The following FLACC1 variants were observed in gnomAD, a reference collection of about 807,000 sequenced individuals.
FLACC1 encodes the protein flagellum-associated coiled-coil domain-containing protein 1.
In FLACC1, 66 loss-of-function variants were observed where a neutral mutation model predicts 62.8. The ratio of observed to expected loss-of-function variants is 1.05; its 90% CI spans 0.86 to 1.29. FLACC1 has a LOEUF of 1.29. Ranked by LOEUF, FLACC1 falls within the 50% of genes most tolerant of loss-of-function variation. The pLI, the probability that FLACC1 is intolerant of heterozygous loss-of-function variation, is 0.00. For missense variants in FLACC1, 452 were observed against 489.1 expected (o/e 0.92, Z 0.71); for synonymous variants, 156 against 161.0 (o/e 0.97, Z 0.24).
intron 1 of FLACC1, among the ~76,000 whole-genome samples, chr2:201,356,740 A>G (rs1379879681): frequency 6.6e-6 from 1 of 152,214 alleles, no homozygotes; most frequent in African/African-American, 2.4e-5. Flanking sequence ...GTCATCACAG[A>G]TAGATCTGCA....
At chr2:201,348,174 A>G in intron 4 of FLACC1, 80 bp downstream of exon 4, 1 of 1,402,910 alleles carries the variant, frequency 7.1e-7, no homozygotes, top group Non-Finnish European at 9.7e-7. Flanking sequence ...GGTAAGTATA[A>G]AAATGTAAAG....
At chr2:201,342,328 A>T (rs371794001) in intron 7 of FLACC1, 42 bp downstream of exon 7, 20 of 1,602,350 alleles carry the variant, frequency 1.2e-5, no homozygotes, top group Middle Eastern at 1.7e-4. Context: ...CGGGACCCTT[A>T]GAGCCATCAA....
In FLACC1 at chr2:201,295,233, G is replaced by C. The variant is rs1949832706; in HGVS notation, c.942+4005C>G. ...AATCCTAAGCCAAAGAACAAAGCTG[G>C]AGGCATCTCGCTACCTGACTTCAAA... On this transcript the variant is annotated intron_variant, in intron 12 of 14. Coordinates refer to ENST00000392257, the MANE Select transcript of FLACC1 (RefSeq NM_001127391.3). Among the ~76,000 whole-genome samples the C allele has an allele frequency of 1.1e-4, 16 of 152,288 alleles. No homozygotes were observed. The South Asian group carries it at 3.3e-3, about 32-fold the overall frequency.
At chr2:201,358,310 A>G (rs906403055), upstream of FLACC1, among the ~76,000 whole-genome samples, 1 of 152,102 alleles carries the variant, frequency 6.6e-6, no homozygotes, top group Non-Finnish European at 1.5e-5. Context: ...GGCTGCATGC[A>G]TAGCTCACTG....
upstream of FLACC1, among the ~76,000 whole-genome samples, chr2:201,359,127 C>G (rs752432664): frequency 3.9e-5 from 6 of 152,150 alleles, no homozygotes; most frequent in Non-Finnish European, 7.4e-5. Flanking sequence ...CATGATAGAA[C>G]TTGGTGATTG....
At chr2:201,296,592 A>G (rs1440300368) in intron 12 of FLACC1, among the ~76,000 whole-genome samples, 1 of 152,080 alleles carries the variant, frequency 6.6e-6, no homozygotes, top group East Asian at 1.9e-4. Flanking sequence ...CAGCACACCA[A>G]CATGGCACAT....
intron 9 of FLACC1, among the ~76,000 whole-genome samples, chr2:201,323,809 G>GAAAAAAAAAAAAAAAAAAAAAAAT (rs1950452542): frequency 1.3e-5 from 1 of 77,376 alleles, no homozygotes; most frequent in Non-Finnish European, 2.8e-5. Flanking sequence ...AAAAAGTAAG[G>GAAAAAAAAAAAAAAAAAAAAAAAT]AAGGAAGGAA....
At chr2:201,327,677 T>C (rs1950521696) in intron 9 of FLACC1, among the ~76,000 whole-genome samples, 1 of 152,128 alleles carries the variant, frequency 6.6e-6, no homozygotes. Flanking sequence ...TTGGTGTGGA[T>C]GTGGGGAAAA....
intron 9 of FLACC1, among the ~76,000 whole-genome samples, chr2:201,314,337 C>T (rs1950271849): frequency 1.3e-5 from 2 of 151,626 alleles, no homozygotes; most frequent in South Asian, 2.1e-4. Flanking sequence ...AATGAAATAA[C>T]ATAAATAAAA....
At chr2:201,350,383 T>C (rs893348223) in intron 3 of FLACC1, among the ~76,000 whole-genome samples, 1 of 151,834 alleles carries the variant, frequency 6.6e-6, no homozygotes, top group African/African-American at 2.4e-5. Flanking sequence ...AGACTCCATC[T>C]CAAACAAACA....
intron 14 of FLACC1, 97 bp downstream of exon 14, chr2:201,289,360 G>T: frequency 8.9e-7 from 1 of 1,123,918 alleles, no homozygotes; most frequent in Non-Finnish European, 1.3e-6. Context: ...GACATAACTA[G>T]GGAGCAGTTG....
intron 11 of FLACC1, among the ~76,000 whole-genome samples, chr2:201,300,135 C>T (rs1273231524): frequency 1.3e-5 from 2 of 152,152 alleles, no homozygotes; most frequent in Admixed American, 1.3e-4. Flanking sequence ...CACCGCCTCA[C>T]CTGGGAAGCG....
chr2:201,353,954 C>A (rs1012813064), intron 1 of FLACC1, among the ~76,000 whole-genome samples: 1 of 152,166 alleles, frequency 6.6e-6, no homozygotes, highest in African/African-American at 2.4e-5. Flanking sequence ...TTATAAGAAT[C>A]AATGGCCTAA....
At chr2:201,301,964 C>G (rs1197694503) in intron 11 of FLACC1, among the ~76,000 whole-genome samples, 1 of 152,178 alleles carries the variant, frequency 6.6e-6, no homozygotes, top group Non-Finnish European at 1.5e-5. Flanking sequence ...ACAACCGGTA[C>G]CAGCCACTGC....
intron 1 of FLACC1, among the ~76,000 whole-genome samples, chr2:201,355,560 A>C (rs1471639407): frequency 2.7e-5 from 4 of 149,866 alleles, no homozygotes; most frequent in Non-Finnish European, 4.5e-5. Context: ...GCTCTTAAGA[A>C]AAAAAAAAAA....
intron 11 of FLACC1, among the ~76,000 whole-genome samples, chr2:201,300,529 C>T (rs1949959097): frequency 1.3e-5 from 2 of 152,186 alleles, no homozygotes; most frequent in African/African-American, 2.4e-5. Flanking sequence ...GCAGCAGAAA[C>T]TTCTGCAGAC....
chr2:201,289,953 T>C (rs1377370411), intron 12 of FLACC1, 168 bp from the exon 13 acceptor site: 2 of 1,207,722 alleles, frequency 1.7e-6, no homozygotes, highest in East Asian at 2.4e-5. Flanking sequence ...CACCCATCTA[T>C]ATCCTTCTCT....
At chr2:201,301,161 A>C (rs1012011640) in intron 11 of FLACC1, among the ~76,000 whole-genome samples, 3 of 152,188 alleles carry the variant, frequency 2.0e-5, no homozygotes, top group African/African-American at 7.2e-5. Context: ...CGAACCCATC[A>C]CAAACAAGCT....
intron 12 of FLACC1, among the ~76,000 whole-genome samples, chr2:201,293,816 G>C (rs10180832): frequency 8.8e-6 from 1 of 114,156 alleles, no homozygotes; most frequent in Non-Finnish European, 2.2e-5. Context: ...TCAAATAGAC[G>C]CAAAAAAAAA....
Sources: allele counts gnomAD v4.1 joint callset (sites outside exome capture counted in the v4.1 genomes callset), GRCh38; gene constraint gnomAD v4.1.1; transcripts MANE v1.5; gene names NCBI Gene and HGNC (gene_info 2026-07-23, HGNC 2026-07-21).